The following C1QTNF3 variants were observed in gnomAD, a reference collection of about 807,000 sequenced individuals.
The protein encoded by C1QTNF3 is C1q and TNF related 3, also known as complement C1q tumor necrosis factor-related protein 3.
Under a neutral mutation model 32.6 loss-of-function variants are expected in C1QTNF3, and 26 were observed. That is an observed-to-expected ratio of 0.80 (90% CI 0.58 to 1.11). The LOEUF (loss-of-function observed/expected upper bound fraction) is 1.11, where lower values mean the gene tolerates loss of function less well. Among genes scored for constraint, C1QTNF3 ranks in the 50% least tolerant of loss-of-function variants. C1QTNF3 has a pLI of 0.00. For synonymous variants in C1QTNF3, 155 were observed against 146.0 expected (o/e 1.06, Z -0.44); for missense variants, 362 against 398.2 (o/e 0.91, Z 0.77).
At chr5:34,049,956 G>T in the C1QTNF3 span, among the ~76,000 whole-genome samples, 8 of 152,158 alleles carry the variant, frequency 5.3e-5, no homozygotes, top group Non-Finnish European at 1.2e-4. Flanking sequence ...ATCTAGACTG[G>T]TGTTAGACCA....
chr5:34,197,064 T>C, the C1QTNF3 span, among the ~76,000 whole-genome samples: 1 of 152,302 alleles, frequency 6.6e-6, no homozygotes, highest in Non-Finnish European at 1.5e-5. Flanking sequence ...AGTCTCAACT[T>C]TGGAAAAACA....
At chr5:34,198,263 T>A in the C1QTNF3 span, among the ~76,000 whole-genome samples, 2 of 132,088 alleles carry the variant, frequency 1.5e-5, no homozygotes, top group Admixed American at 7.0e-5. Flanking sequence ...AATAAATAAA[T>A]AAAAATAAAA....
At chr5:34,168,546 A>G in the C1QTNF3 span, 12 of 151,082 alleles carry the variant, frequency 7.9e-5, no homozygotes, top group African/African-American at 2.5e-4. Context: ...AATACTTAAC[A>G]TATTTTGGCA....
At chr5:34,063,884 G>C in the C1QTNF3 span, among the ~76,000 whole-genome samples, 2 of 152,200 alleles carry the variant, frequency 1.3e-5, no homozygotes, top group Non-Finnish European at 1.5e-5. Context: ...GAAAGTCATG[G>C]TCAGGACCCA....
chr5:34,162,905 T>C, the C1QTNF3 span, among the ~76,000 whole-genome samples: 19 of 152,156 alleles, frequency 1.2e-4, no homozygotes, highest in Non-Finnish European at 2.9e-5. Flanking sequence ...TACCCTTTTC[T>C]TTGCAGCTGA....
the C1QTNF3 span, among the ~76,000 whole-genome samples, chr5:34,205,411 G>T: frequency 2.0e-5 from 3 of 152,198 alleles, no homozygotes; most frequent in Non-Finnish European, 4.4e-5. Context: ...GAGGGGTCTA[G>T]TGGGAGGGGA....
the C1QTNF3 span, among the ~76,000 whole-genome samples, chr5:34,111,820 G>T: frequency 1.3e-5 from 2 of 152,286 alleles, no homozygotes; most frequent in East Asian, 3.9e-4. Flanking sequence ...TGGGATGAAA[G>T]TAAAAAACAA....
chr5:34,176,264 GA>G, the C1QTNF3 span, among the ~76,000 whole-genome samples: 2 of 129,566 alleles, frequency 1.5e-5, no homozygotes, highest in African/African-American at 2.8e-5. Flanking sequence ...GCGGTGGGGG[GA>G]GGGGGGAGGG....
the C1QTNF3 span, among the ~76,000 whole-genome samples, chr5:34,089,272 A>G: frequency 6.6e-6 from 1 of 152,078 alleles, no homozygotes; most frequent in Non-Finnish European, 1.5e-5. Flanking sequence ...TGTGATTTCA[A>G]TTTTCTTTTC....
chr5:34,206,531 GT>G, the C1QTNF3 span, among the ~76,000 whole-genome samples: 1 of 132,784 alleles, frequency 7.5e-6, no homozygotes, highest in Non-Finnish European at 1.6e-5. Context: ...TCTAGGAACA[GT>G]CACATTTGTG....
At chr5:34,033,215 T>TTGAGGAAGC (rs1754658969) in intron 3 of C1QTNF3, 89 bp downstream of exon 3, 4 of 1,427,874 alleles carry the variant, frequency 2.8e-6, no homozygotes, top group Non-Finnish European at 3.9e-6. Context: ...TGGGGAAGAC[T>TTGAGGAAGC]TGAGGAAGCG....
chr5:34,163,940 A>G, the C1QTNF3 span, among the ~76,000 whole-genome samples: 1 of 152,198 alleles, frequency 6.6e-6, no homozygotes, highest in Non-Finnish European at 1.5e-5. Context: ...ACAAACAAAA[A>G]ACCAATTGAT....
At chr5:34,124,578 C>T in the C1QTNF3 span, 91 of 596,004 alleles carry the variant, frequency 1.5e-4, no homozygotes, top group African/African-American at 1.6e-3. Context: ...ACAAGAACAG[C>T]ACTAAGGGGA....
the C1QTNF3 span, among the ~76,000 whole-genome samples, chr5:34,056,198 T>C: frequency 6.6e-6 from 1 of 151,834 alleles, no homozygotes; most frequent in Non-Finnish European, 1.5e-5. Flanking sequence ...CATTATTTTA[T>C]GGTTTCACGA....
chr5:34,051,158 A>T, the C1QTNF3 span, among the ~76,000 whole-genome samples: 14 of 152,342 alleles, frequency 9.2e-5, no homozygotes, highest in East Asian at 2.7e-3. Context: ...TTACATACAA[A>T]ATGGGACACT....
chr5:34,228,968 T>C, the C1QTNF3 span, among the ~76,000 whole-genome samples: 1 of 151,970 alleles, frequency 6.6e-6, no homozygotes, highest in Non-Finnish European at 1.5e-5. Flanking sequence ...AGTTTTTTTT[T>C]TTTTAACATC....
the C1QTNF3 span, among the ~76,000 whole-genome samples, chr5:34,062,689 T>G: frequency 6.6e-6 from 1 of 152,244 alleles, no homozygotes; most frequent in African/African-American, 2.4e-5. Flanking sequence ...CGTCCTGTCC[T>G]GAAGGGAGTT....
At chr5:34,115,383 T>C in the C1QTNF3 span, among the ~76,000 whole-genome samples, 1,663 of 152,308 alleles carry the variant, frequency 0.011, 21 homozygotes, top group Non-Finnish European at 0.017. Context: ...ACAGTAGTTT[T>C]GAAAACTGTG....
upstream of C1QTNF3, among the ~76,000 whole-genome samples, chr5:34,045,730 T>C (rs1476603482): frequency 6.6e-6 from 1 of 151,836 alleles, no homozygotes; most frequent in Non-Finnish European, 1.5e-5. Flanking sequence ...AAGAAGGATC[T>C]CTCCTTCTCT....
Sources: gnomAD v4.1 joint callset for allele counts (sites outside exome capture counted in the v4.1 genomes callset) on GRCh38, gnomAD v4.1.1 for gene constraint, MANE v1.5 for transcripts, NCBI Gene and HGNC (gene_info 2026-07-23, HGNC 2026-07-21) for gene names.